The following CSMD1 variants were observed in gnomAD, a reference collection of about 807,000 sequenced individuals.
The protein encoded by CSMD1 is CUB and sushi domain-containing protein 1.
A neutral mutation model predicts 417.5 loss-of-function variants in CSMD1; 213 were observed. The ratio of observed to expected loss-of-function variants is 0.51; its 90% CI spans 0.46 to 0.57. The LOEUF (loss-of-function observed/expected upper bound fraction) is 0.57, where lower values mean the gene tolerates loss of function less well. Among genes scored for constraint, CSMD1 ranks in the 20% least tolerant of loss-of-function variants. The probability of loss-of-function intolerance (pLI) is 0.00; values close to 1 mark genes in which losing one functional copy is unlikely to be tolerated. For synonymous variants in CSMD1, 2,862 were observed against 1,736.8 expected, an observed-to-expected ratio of 1.65 and a Z score of -16.11; for missense variants, 6,923 against 4,529.7, an observed-to-expected ratio of 1.53 and a Z score of -15.17.
chr8:4,683,928 T>C (rs1806208364), intron 1 of CSMD1, among the ~76,000 whole-genome samples: 1 of 152,232 alleles, frequency 6.6e-6, no homozygotes, highest in Non-Finnish European at 1.5e-5. Context: ...GCATGTCATA[T>C]ACAAGAAGAG....
intron 26 of CSMD1, among the ~76,000 whole-genome samples, chr8:3,261,509 AG>A: frequency 6.6e-6 from 1 of 152,198 alleles, no homozygotes; most frequent in Non-Finnish European, 1.5e-5. Flanking sequence ...AAAAACTTAC[AG>A]AAAAATAAAA....
intron 12 of CSMD1, among the ~76,000 whole-genome samples, chr8:3,443,216 A>G (rs2117070552): frequency 6.6e-6 from 1 of 152,304 alleles, no homozygotes; most frequent in African/African-American, 2.4e-5. Flanking sequence ...TTCATGTCAG[A>G]CTATTTCTTA....
At chr8:4,854,261 A>G (rs7812968) in intron 1 of CSMD1, among the ~76,000 whole-genome samples, 2,305 of 152,290 alleles carry the variant, frequency 0.015, 67 homozygotes, top group African/African-American at 0.053. Context: ...ATGTTGAAAT[A>G]TAATCCCCAG....
At chr8:4,447,524 C>A (rs568231989) in intron 2 of CSMD1, among the ~76,000 whole-genome samples, 4 of 152,166 alleles carry the variant, frequency 2.6e-5, no homozygotes, top group Non-Finnish European at 5.9e-5. Flanking sequence ...AGGCTCTAAT[C>A]CAAATCCCTC....
At chr8:3,901,419 G>C (rs1392526561) in intron 5 of CSMD1, among the ~76,000 whole-genome samples, 2 of 152,076 alleles carry the variant, frequency 1.3e-5, no homozygotes, top group South Asian at 2.1e-4. Flanking sequence ...TGAAATCCGT[G>C]CTGATGCATT....
At chr8:3,811,628 G>A (rs1801086057) in intron 5 of CSMD1, among the ~76,000 whole-genome samples, 1 of 152,080 alleles carries the variant, frequency 6.6e-6, no homozygotes, top group Non-Finnish European at 1.5e-5. Flanking sequence ...CCAGGACCAG[G>A]CTCAAGTCAG....
intron 5 of CSMD1, among the ~76,000 whole-genome samples, chr8:3,819,152 T>C (rs1447499874): frequency 6.6e-6 from 1 of 152,148 alleles, no homozygotes; most frequent in African/African-American, 2.4e-5. Context: ...CGGAAAGGAA[T>C]CTGACATCAG....
At chr8:3,014,972 C>A (rs1808713878) in intron 52 of CSMD1, among the ~76,000 whole-genome samples, 1 of 149,216 alleles carries the variant, frequency 6.7e-6, no homozygotes, top group Non-Finnish European at 1.5e-5. Context: ...CATAATAAAG[C>A]TTCTTCATGA....
At chr8:4,329,370 C>G (rs763724779) in intron 3 of CSMD1, among the ~76,000 whole-genome samples, 1 of 152,130 alleles carries the variant, frequency 6.6e-6, no homozygotes, top group African/African-American at 2.4e-5. Flanking sequence ...CTCACTTTAA[C>G]CTCTGTCTCC....
At chr8:2,983,930 G>T (rs1042754948) in intron 54 of CSMD1, among the ~76,000 whole-genome samples, 2 of 152,132 alleles carry the variant, frequency 1.3e-5, no homozygotes, top group African/African-American at 4.8e-5. Context: ...AATGCTATGG[G>T]CTAAGCTTTT....
chr8:4,242,486 C>G (rs954756220), intron 3 of CSMD1, among the ~76,000 whole-genome samples: 1 of 152,130 alleles, frequency 6.6e-6, no homozygotes, highest in Non-Finnish European at 1.5e-5. Context: ...CAGAGACTTC[C>G]TGAGAGCAAT....
intron 3 of CSMD1, among the ~76,000 whole-genome samples, chr8:4,125,336 G>C (rs116625438): frequency 2.0e-5 from 3 of 152,164 alleles, no homozygotes; most frequent in Admixed American, 2.0e-4. Flanking sequence ...TCTAAAGAGC[G>C]CAACTGTTTG....
chr8:3,662,452 G>T (rs568528670), intron 7 of CSMD1, among the ~76,000 whole-genome samples: 1 of 152,116 alleles, frequency 6.6e-6, no homozygotes, highest in African/African-American at 2.4e-5. Context: ...ATGGGCATTT[G>T]GGTTGGTTCC....
intron 5 of CSMD1, among the ~76,000 whole-genome samples, chr8:3,974,668 G>T (rs575169391): frequency 2.3e-5 from 3 of 132,688 alleles, no homozygotes; most frequent in East Asian, 4.8e-4. Flanking sequence ...AAAACAGCGT[G>T]CAGCTCTTTT....
chr8:3,023,125 C>A (rs567735013), intron 51 of CSMD1, among the ~76,000 whole-genome samples: 2 of 152,164 alleles, frequency 1.3e-5, no homozygotes, highest in African/African-American at 4.8e-5. Context: ...CGGATATAGA[C>A]GAAATACATC....
At chr8:4,929,503 G>T (rs1048138633) in intron 1 of CSMD1, among the ~76,000 whole-genome samples, 1 of 152,078 alleles carries the variant, frequency 6.6e-6, no homozygotes, top group African/African-American at 2.4e-5. Context: ...GATATTTCAG[G>T]GAACTCCTGT....
intron 31 of CSMD1, among the ~76,000 whole-genome samples, chr8:3,204,090 G>C (rs1384465311): frequency 6.6e-6 from 1 of 151,774 alleles, no homozygotes; most frequent in Admixed American, 6.5e-5. Flanking sequence ...AGATGAGACA[G>C]AATGCATTTT....
At chr8:3,117,053 T>G (rs550348064) in intron 42 of CSMD1, among the ~76,000 whole-genome samples, 1 of 152,236 alleles carries the variant, frequency 6.6e-6, no homozygotes, top group East Asian at 1.9e-4. Context: ...AAGAATTGTT[T>G]GTAGTTATTT....
At chr8:4,133,744 T>A (rs1379075209) in intron 3 of CSMD1, among the ~76,000 whole-genome samples, 1 of 152,110 alleles carries the variant, frequency 6.6e-6, no homozygotes, top group Admixed American at 6.6e-5. Flanking sequence ...TGGTTTTTTT[T>A]ATTATTTTAT....
Sources: gnomAD v4.1 joint callset for allele counts (sites outside exome capture counted in the v4.1 genomes callset) on GRCh38, gnomAD v4.1.1 for gene constraint, MANE v1.5 for transcripts, NCBI Gene and HGNC (gene_info 2026-07-23, HGNC 2026-07-21) for gene names.